TENM2: variants seen among roughly 807,000 people sequenced by gnomAD.
The protein encoded by TENM2 is teneurin transmembrane protein 2, also known as teneurin-2.
TENM2 carries 52 observed loss-of-function variants against 245.2 expected under a neutral mutation model. The observed-to-expected ratio is 0.21, with a 90% CI of 0.17 to 0.27. The LOEUF (loss-of-function observed/expected upper bound fraction) is 0.27. TENM2 is among the 10% of genes least tolerant of loss of function. The pLI is 1.00. For synonymous variants in TENM2, 1,363 were observed against 1,438.9 expected, an observed-to-expected ratio of 0.95 and a Z score of 1.19; for missense variants, 3,046 against 3,666.8, an observed-to-expected ratio of 0.83 and a Z score of 4.37.
chr5:168,110,767 T>C (rs1229689571), intron 9 of TENM2, among the ~76,000 whole-genome samples: 3 of 152,226 alleles, frequency 2.0e-5, no homozygotes, highest in Admixed American at 6.5e-5. Flanking sequence ...ATTCATTATG[T>C]AATTAATGCT....
chr5:167,057,236 C>T, the TENM2 span, among the ~76,000 whole-genome samples: 1 of 151,980 alleles, frequency 6.6e-6, no homozygotes, highest in Non-Finnish European at 1.5e-5. Flanking sequence ...TCTATTTTTG[C>T]ATGTTGTGTA....
At chr5:167,292,441 C>T (rs973416109) in intron 1 of TENM2, among the ~76,000 whole-genome samples, 1 of 152,100 alleles carries the variant, frequency 6.6e-6, no homozygotes, top group African/African-American at 2.4e-5. Flanking sequence ...ATTATTCCTG[C>T]TTCATTTATC....
At chr5:167,766,369 A>T (rs1763020945) in intron 2 of TENM2, among the ~76,000 whole-genome samples, 1 of 152,224 alleles carries the variant, frequency 6.6e-6, no homozygotes, top group Admixed American at 6.5e-5. Flanking sequence ...AGATTCCCGC[A>T]GTTAACAGAT....
At chr5:167,443,134 G>T (rs764386699) in intron 2 of TENM2, among the ~76,000 whole-genome samples, 1 of 152,162 alleles carries the variant, frequency 6.6e-6, no homozygotes, top group East Asian at 1.9e-4. Context: ...TTCTGTGAAA[G>T]TCTTCCAAGT....
chr5:168,195,092 T>G, intron 14 of TENM2, 84 bp from the exon 17 acceptor site: 2 of 1,490,758 alleles, frequency 1.3e-6, no homozygotes, highest in Non-Finnish European at 1.8e-6. Context: ...AGGGACCAGA[T>G]GAGGATGAGG....
intron 2 of TENM2, among the ~76,000 whole-genome samples, chr5:167,847,511 G>A: frequency 6.6e-6 from 1 of 152,150 alleles, no homozygotes; most frequent in Non-Finnish European, 1.5e-5. Context: ...GCACAGGACT[G>A]GACTGCATAG....
chr5:167,472,832 A>G (rs901500321), intron 2 of TENM2, among the ~76,000 whole-genome samples: 2 of 152,256 alleles, frequency 1.3e-5, no homozygotes, highest in African/African-American at 4.8e-5. Context: ...GCATTCTTTC[A>G]TTCCACATGG....
chr5:167,929,603 G>A (rs1778127382), intron 3 of TENM2, among the ~76,000 whole-genome samples: 1 of 152,118 alleles, frequency 6.6e-6, no homozygotes, highest in Admixed American at 6.5e-5. Flanking sequence ...GCATACAATA[G>A]ATGCTTCATA....
intron 3 of TENM2, among the ~76,000 whole-genome samples, chr5:167,890,396 A>ATGTT (rs1774652733): frequency 6.6e-6 from 1 of 152,112 alleles, no homozygotes; most frequent in African/African-American, 2.4e-5. Context: ...ATCATCACTT[A>ATGTT]TGTTTGTGTA....
intron 5 of TENM2, among the ~76,000 whole-genome samples, chr5:167,998,692 A>G (rs1001772086): frequency 6.6e-6 from 1 of 152,098 alleles, no homozygotes; most frequent in Non-Finnish European, 1.5e-5. Flanking sequence ...ACATATATAT[A>G]TATTAGAAAG....
At chr5:167,591,779 A>G (rs1320303619) in intron 2 of TENM2, among the ~76,000 whole-genome samples, 1 of 152,232 alleles carries the variant, frequency 6.6e-6, no homozygotes, top group African/African-American at 2.4e-5. Flanking sequence ...TGCATAGAAC[A>G]GCCACTCACA....
At chr5:167,845,181 A>T (rs1201575447) in intron 2 of TENM2, among the ~76,000 whole-genome samples, 1 of 151,178 alleles carries the variant, frequency 6.6e-6, no homozygotes, top group African/African-American at 2.4e-5. Context: ...TTAATGTTTT[A>T]CAAGTAGAAG....
chr5:167,970,029 T>C (rs1318221412), intron 4 of TENM2, among the ~76,000 whole-genome samples: 1 of 152,182 alleles, frequency 6.6e-6, no homozygotes, highest in African/African-American at 2.4e-5. Flanking sequence ...CCACATTCAA[T>C]GTTAATTTGG....
At chr5:167,098,905 T>G in the TENM2 span, among the ~76,000 whole-genome samples, 5 of 152,310 alleles carry the variant, frequency 3.3e-5, no homozygotes, top group South Asian at 1.0e-3. Context: ...CTTGCTACAG[T>G]GCAGATTTCT....
At chr5:168,106,174 C>A (rs1248866465) in intron 9 of TENM2, among the ~76,000 whole-genome samples, 4 of 152,302 alleles carry the variant, frequency 2.6e-5, no homozygotes, top group East Asian at 1.9e-4. Context: ...AGAAATGCCA[C>A]AACCACGGGA....
intron 1 of TENM2, among the ~76,000 whole-genome samples, chr5:167,358,803 GCACACACACACACACA>G (rs58530155): frequency 0.036 from 5,141 of 143,826 alleles, 113 homozygotes; most frequent in African/African-American, 0.055. Flanking sequence ...ATTCTGATCT[GCACACACACACACACA>G]CACACACACA....
intron 2 of TENM2, among the ~76,000 whole-genome samples, chr5:167,830,786 A>G (rs777462124): frequency 3.9e-5 from 6 of 152,196 alleles, no homozygotes; most frequent in African/African-American, 4.8e-5. Context: ...TAAAACACAC[A>G]TTGATGGGCC....
intron 2 of TENM2, among the ~76,000 whole-genome samples, chr5:167,438,892 C>G (rs1764729121): frequency 6.6e-6 from 1 of 152,128 alleles, no homozygotes; most frequent in African/African-American, 2.4e-5. Flanking sequence ...CTCCGGAGTT[C>G]AAGCACTTCT....
intron 2 of TENM2, among the ~76,000 whole-genome samples, chr5:167,443,228 T>C (rs1253378312): frequency 1.3e-5 from 2 of 152,206 alleles, no homozygotes; most frequent in African/African-American, 2.4e-5. Flanking sequence ...AGAGTTGGCA[T>C]GCAGTATGGC....
Sources: allele counts gnomAD v4.1 joint callset (sites outside exome capture counted in the v4.1 genomes callset), GRCh38; gene constraint gnomAD v4.1.1; transcripts MANE v1.5; gene names NCBI Gene and HGNC (gene_info 2026-07-23, HGNC 2026-07-21).